UBE3A: variants seen among roughly 807,000 people sequenced by gnomAD.
UBE3A encodes the protein ubiquitin-protein ligase E3A.
Under a neutral mutation model 83.4 loss-of-function variants are expected in UBE3A, and 6 were observed. The ratio of observed to expected loss-of-function variants is 0.07; its 90% CI spans 0.04 to 0.14. The LOEUF is 0.14. Among genes scored for constraint, UBE3A ranks in the 10% least tolerant of loss-of-function variants. The pLI is 1.00. For synonymous variants in UBE3A, 337 were observed against 355.4 expected, an observed-to-expected ratio of 0.95 and a Z score of 0.58; for missense variants, 456 against 1,036.1, an observed-to-expected ratio of 0.44 and a Z score of 7.69.
At chr15:25,361,955 C>T (rs1382582159) in intron 6 of UBE3A, among the ~76,000 whole-genome samples, 1 of 152,142 alleles carries the variant, frequency 6.6e-6, no homozygotes, top group Non-Finnish European at 1.5e-5. Context: ...CATAAATTAA[C>T]GCATCAGGTC....
intron 4 of UBE3A, among the ~76,000 whole-genome samples, chr15:25,392,618 TAAA>T (rs2084660823): frequency 6.6e-6 from 1 of 151,924 alleles, no homozygotes; most frequent in Non-Finnish European, 1.5e-5. Flanking sequence ...GGAATAGCAA[TAAA>T]AAGAGAGGCA....
At chr15:25,364,075 A>AAATAAAT (rs1566926801) in intron 6 of UBE3A, among the ~76,000 whole-genome samples, 2 of 60,672 alleles carry the variant, frequency 3.3e-5, no homozygotes, top group African/African-American at 7.0e-5. Context: ...AATAAATAAA[A>AAATAAAT]AATAGTGGGG....
chr15:25,395,718 G>T (rs2085398706), intron 4 of UBE3A, among the ~76,000 whole-genome samples: 1 of 152,176 alleles, frequency 6.6e-6, no homozygotes, highest in South Asian at 2.1e-4. Context: ...AGCTGACGAT[G>T]GAAATAGAAG....
rs529495327 is a variant in UBE3A, at chr15:25,372,357, A to G, written c.362-545T>C. On this transcript the variant is annotated intron_variant, in intron 5 of 12. Transcript: ENST00000648336. ...CTTCCTAGTTTGTTCCAGGGTAGTC[A>G]TTCTGTGAGTGATTGAGAAGAATAT... 5.9e-5 allele frequency among the ~76,000 whole-genome samples: 9 copies of G among 152,316 alleles called. No homozygotes were observed. In the East Asian group the frequency reaches 1.7e-3, roughly 29 times the overall value.
intron 11 of UBE3A, among the ~76,000 whole-genome samples, chr15:25,342,840 T>A (rs974741593): frequency 2.6e-5 from 4 of 151,922 alleles, no homozygotes; most frequent in Admixed American, 6.6e-5. Flanking sequence ...AGAGCACTAC[T>A]GAGTGTAGGT....
At chr15:25,382,158 A>T (rs747015575) in intron 4 of UBE3A, among the ~76,000 whole-genome samples, 79 of 152,202 alleles carry the variant, frequency 5.2e-4, no homozygotes, top group Middle Eastern at 3.4e-3. Context: ...CCCTACTAAA[A>T]ATACAAAAAA....
At chr15:25,340,017 T>G (rs1389767045) in intron 12 of UBE3A, 68 bp downstream of exon 12, 2 of 1,584,790 alleles carry the variant, frequency 1.3e-6, no homozygotes, top group Non-Finnish European at 1.7e-6. Flanking sequence ...TAAAGACAGT[T>G]CATATGTATG....
At chr15:25,390,862 T>C (rs887925213) in intron 4 of UBE3A, among the ~76,000 whole-genome samples, 3 of 151,448 alleles carry the variant, frequency 2.0e-5, no homozygotes, top group African/African-American at 7.3e-5. Context: ...TATGAGAGAA[T>C]CCATACATGT....
chr15:25,358,823 A>AT (rs1023987726), intron 7 of UBE3A, among the ~76,000 whole-genome samples: 3 of 152,062 alleles, frequency 2.0e-5, no homozygotes, highest in South Asian at 2.1e-4. Context: ...CTATCTAAAC[A>AT]TTTTTTTTAC....
intron 11 of UBE3A, 41 bp from the exon 12 acceptor site, chr15:25,340,269 C>T: frequency 6.3e-7 from 1 of 1,597,224 alleles, no homozygotes. Flanking sequence ...GTTTGGCATT[C>T]ATTATGACTG....
intron 1 of UBE3A, among the ~76,000 whole-genome samples, chr15:25,431,925 A>G (rs1247900348): frequency 6.6e-6 from 1 of 152,204 alleles, no homozygotes; most frequent in East Asian, 1.9e-4. Flanking sequence ...GGAAAAATGT[A>G]TTAAGACAAT....
At chr15:25,398,532 T>C (rs905207958) in intron 4 of UBE3A, among the ~76,000 whole-genome samples, 14 of 151,874 alleles carry the variant, frequency 9.2e-5, no homozygotes, top group African/African-American at 3.4e-4. Flanking sequence ...AAGAGAGATG[T>C]AGTATTTGCC....
intron 4 of UBE3A, among the ~76,000 whole-genome samples, chr15:25,379,586 C>T (rs2081823644): frequency 6.6e-6 from 1 of 152,148 alleles, no homozygotes; most frequent in Non-Finnish European, 1.5e-5. Context: ...CTTAATTTAT[C>T]TGACCTCATC....
intron 4 of UBE3A, among the ~76,000 whole-genome samples, chr15:25,385,250 A>C (rs2082907077): frequency 1.3e-5 from 2 of 152,196 alleles, no homozygotes; most frequent in South Asian, 4.1e-4. Context: ...CCTACAATTC[A>C]ACAACAAAAA....
chr15:25,362,125 T>A (rs946834372), intron 6 of UBE3A, among the ~76,000 whole-genome samples: 2 of 152,200 alleles, frequency 1.3e-5, no homozygotes, highest in Non-Finnish European at 1.5e-5. Context: ...TTCAATTAGA[T>A]GTACAGATGG....
chr15:25,361,757 T>C (rs902651440), intron 6 of UBE3A, among the ~76,000 whole-genome samples: 7 of 152,174 alleles, frequency 4.6e-5, no homozygotes, highest in African/African-American at 1.7e-4. Context: ...AAATTTAATC[T>C]TGGAGATGAA....
chr15:25,424,815 A>T (rs1351031493), intron 1 of UBE3A, among the ~76,000 whole-genome samples: 1 of 152,228 alleles, frequency 6.6e-6, no homozygotes, highest in Non-Finnish European at 1.5e-5. Context: ...TAAAGTAATA[A>T]GTACAAGACC....
chr15:25,378,250 A>T (rs1035974269), intron 4 of UBE3A, among the ~76,000 whole-genome samples: 3 of 152,140 alleles, frequency 2.0e-5, no homozygotes, highest in African/African-American at 7.2e-5. Flanking sequence ...GTACTTCTTT[A>T]TATACTACAT....
intron 11 of UBE3A, among the ~76,000 whole-genome samples, chr15:25,347,551 T>C (rs573427992): frequency 2.6e-5 from 4 of 152,068 alleles, no homozygotes; most frequent in Non-Finnish European, 5.9e-5. Flanking sequence ...AATACAAAAA[T>C]TAGCCAGGTG....
Sources: gnomAD v4.1 joint callset for allele counts (sites outside exome capture counted in the v4.1 genomes callset) on GRCh38, gnomAD v4.1.1 for gene constraint, MANE v1.5 for transcripts, NCBI Gene and HGNC (gene_info 2026-07-23, HGNC 2026-07-21) for gene names.